The following TASOR variants were observed in gnomAD, a reference collection of about 807,000 sequenced individuals.
TASOR encodes the protein transcription activation suppressor.
Under a neutral mutation model 178.6 loss-of-function variants are expected in TASOR, and 53 were observed. That is an observed-to-expected ratio of 0.30 (90% CI 0.24 to 0.37). The LOEUF is 0.37. TASOR is among the 10% of genes least tolerant of loss of function. The pLI is 1.00. For synonymous variants in TASOR, 713 were observed against 696.2 expected (o/e 1.02, Z -0.38); for missense variants, 1,815 against 1,971.4 (o/e 0.92, Z 1.50).
rs1029761660 is a variant in TASOR, at chr3:56,683,023, G to C, written c.-17C>G. ...AGTCGCCATCGCGCCGGCCTAAGGAGCTCTGGGAAGCTTCTGCCCACAAGG... is the reference window on the plus strand; with the variant it reads ...AGTCGCCATCGCGCCGGCCTAAGGACCTCTGGGAAGCTTCTGCCCACAAGG... On this transcript the variant is annotated 5_prime_UTR_variant, in exon 1 of 24. Transcript: ENST00000683822. 6.6e-7 allele frequency: 1 copy of C among 1,510,658 alleles called. No individual in the cohort carries two copies. Among genetic ancestry groups the C allele is most frequent in the Non-Finnish European group, 8.9e-7 (1 of 1,127,732 alleles). The allele number at this position is 1,510,658 out of a possible 1,614,324, so 93.6% of individuals were successfully genotyped here. A position where few individuals can be genotyped will look rare whatever the true frequency, so the allele number is the denominator to read the frequency against.
Position 56,682,721 on chromosome 3 carries a change from C to T in TASOR, c.286G>A (p.Val96Ile). The T allele has an allele frequency of 1.3e-6, 2 of 1,502,902 alleles. No individual in the cohort carries two copies. Among genetic ancestry groups the T allele is most frequent in the South Asian group, 1.3e-5 (1 of 79,770 alleles). 93.1% of individuals were successfully genotyped at this position (1,502,902 alleles called of 1,614,324 possible). A position where few individuals can be genotyped will look rare whatever the true frequency, so the allele number is the denominator to read the frequency against. ...CTGGGGATCTGAAAACTCCTCCTAACAGGCCTTTCGGGCTCTTCGGGGCCT... is the reference window on the plus strand; with the variant it reads ...CTGGGGATCTGAAAACTCCTCCTAATAGGCCTTTCGGGCTCTTCGGGGCCT... The part of the protein sequence containing the change: ...PRGPEEPERP[V>I]RRSFQIPRKS... Residue 96 changes from valine (V) to isoleucine (I), a missense_variant, in exon 1 of 24, where the codon GTT becomes ATT. Physicochemically the swap from Val to Ile is conservative, Grantham distance 29. Around this residue, in one of 5 missense-constraint regions of TASOR, gnomAD observed 244 missense variants for 202.7 expected, o/e 1.20. Transcript: ENST00000683822.
At position 56,624,941 on chromosome 3, in the gene TASOR, T is replaced by C; in HGVS notation, c.4205A>G (p.Glu1402Gly). The C allele has an allele frequency of 6.2e-7, 1 of 1,614,206 alleles. No individual in the cohort carries two copies. Among genetic ancestry groups the C allele is most frequent in the Non-Finnish European group, 8.5e-7 (1 of 1,180,012 alleles). ...LNVYQKKHLVEILSYHNCDSQ... is the reference protein window; with the variant it reads ...LNVYQKKHLVGILSYHNCDSQ... Reference sequence around the variant, plus strand: ...ATCACAATTGTGGTATGACAAAATTTCAACCAGATGTTTCTTCTGATAGAC... The same window carrying C: ...ATCACAATTGTGGTATGACAAAATTCCAACCAGATGTTTCTTCTGATAGAC... The change falls in exon 22 of 24, where the codon GAA becomes GGA. Residue 1402 changes from glutamate (E) to glycine (G), a missense_variant. By Grantham distance (98) the Glu-to-Gly change is moderately conservative. This residue lies in a region of TASOR where 134 missense variants were observed against 195.2 expected (regional missense o/e 0.69). Coordinates refer to ENST00000683822, the MANE Select transcript of TASOR (RefSeq NM_001365635.2).
chr3:56,683,246 C>T lies in TASOR; in HGVS notation c.-240G>A, dbSNP rs1037725380. ...CCTCGGGCAGTTCTTCTGCCTTCCC[C>T]CGCCACTCAACGTGCGCGCGTCGGG... On this transcript the variant is annotated 5_prime_UTR_variant, in exon 1 of 24. Coordinates refer to ENST00000683822, the MANE Select transcript of TASOR (RefSeq NM_001365635.2). The T allele has an allele frequency of 3.5e-5, 15 of 432,576 alleles. No individual in the cohort carries two copies. The highest frequency in any genetic ancestry group is 2.3e-4 in the African/African-American group (11 of 48,542). The allele number at this position is 432,576 out of a possible 1,614,324, so 26.8% of individuals were successfully genotyped here.
Position 56,661,303 on chromosome 3 carries a change from C to T in TASOR, c.1161-286G>A, listed in dbSNP as rs536824636. 8.3e-4 allele frequency among the ~76,000 whole-genome samples: 126 copies of T among 152,212 alleles called. 1 individual carries two copies. Among genetic ancestry groups the T allele is most frequent in the South Asian group, 1.7e-3 (8 of 4,826 alleles). ...CTGGGACTACAGGCATGTGCCACCACGCTAGGGTAATTTTGGTTTTTTTGG... is the reference window on the plus strand; with the variant it reads ...CTGGGACTACAGGCATGTGCCACCATGCTAGGGTAATTTTGGTTTTTTTGG... On this transcript the variant is annotated intron_variant, in intron 9 of 23. Coordinates refer to ENST00000683822, the MANE Select transcript of TASOR (RefSeq NM_001365635.2).
chr3:56,668,337 A>G, intron 6 of TASOR, 60 bp downstream of exon 6: 1 of 1,484,306 alleles, frequency 6.7e-7, no homozygotes. Flanking sequence ...GAGACATTTT[A>G]AAGGATTTGG....
intron 11 of TASOR, among the ~76,000 whole-genome samples, chr3:56,658,130 T>C (rs1274247288): frequency 6.6e-6 from 1 of 152,224 alleles, no homozygotes; most frequent in Non-Finnish European, 1.5e-5. Context: ...ATAAAGTAGC[T>C]ATAGACGGAA....
At chr3:56,631,221 T>C (rs2076905341) in intron 18 of TASOR, among the ~76,000 whole-genome samples, 3 of 152,176 alleles carry the variant, frequency 2.0e-5, no homozygotes, top group African/African-American at 7.2e-5. Context: ...GTAATTTCTA[T>C]GTTCTTCAGG....
rs2076253613 is a variant in TASOR at position 56,620,356 on chromosome 3, ATAC to A, written c.*2678_*2680del. The A allele has an allele frequency of 6.5e-6, 1 of 153,078 alleles. No homozygotes were observed. The highest frequency in any genetic ancestry group is 1.9e-4 in the East Asian group (1 of 5,218). The allele number at this position is 153,078 out of a possible 1,614,324, so 9.5% of individuals were successfully genotyped here. A position where few individuals can be genotyped will look rare whatever the true frequency, so the allele number is the denominator to read the frequency against. Reference sequence around the variant, plus strand: ...AATTATACGCATAACCTTACTCACCATACTACTTTTTCTCCCAAACTATTGTGA... The same window carrying A: ...AATTATACGCATAACCTTACTCACCATACTTTTTCTCCCAAACTATTGTGA... On this transcript the variant is annotated 3_prime_UTR_variant, in exon 24 of 24. Coordinates refer to ENST00000683822, the MANE Select transcript of TASOR (RefSeq NM_001365635.2).
intron 20 of TASOR, 22 bp downstream of exon 20, chr3:56,627,560 G>A: frequency 6.2e-7 from 1 of 1,612,518 alleles, no homozygotes; most frequent in South Asian, 1.1e-5. Flanking sequence ...GGAGTTACGT[G>A]CTCAAAAGAA....
Position 56,620,560 on chromosome 3 carries a change from C to T in TASOR, c.*2477G>A, listed in dbSNP as rs555769579. On this transcript the variant is annotated 3_prime_UTR_variant, in exon 24 of 24. Coordinates refer to ENST00000683822, the MANE Select transcript of TASOR (RefSeq NM_001365635.2). Reference sequence around the variant, plus strand: ...TTTTCCATGTCGTCATGTACCAATACCCTCTGCATTTCAAAATGTTGACTC... The same window carrying T: ...TTTTCCATGTCGTCATGTACCAATATCCTCTGCATTTCAAAATGTTGACTC... The T allele has an allele frequency of 6.6e-6, 1 of 152,202 alleles. No individual in the cohort carries two copies. Among genetic ancestry groups the T allele is most frequent in the South Asian group, 2.1e-4 (1 of 4,826 alleles). 9.4% of individuals were successfully genotyped at this position (152,202 alleles called of 1,614,324 possible).
In TASOR at chr3:56,649,157, C is replaced by T. The variant is rs530244952; in HGVS notation, c.1369-100G>A. 62 of 772,666 alleles carry T rather than the reference C, an allele frequency of 8.0e-5. 1 individual carries two copies. The South Asian group carries it at 1.7e-3, about 21-fold the overall frequency. The allele number at this position is 772,666 out of a possible 1,614,324, so 47.9% of individuals were successfully genotyped here. On this transcript the variant is annotated intron_variant, in intron 11 of 23. Transcript: ENST00000683822. ...CTACTAATTGTAAAGAAAAAAAGTTCTTAATCATCTTTTAAGAAAAAATAT... is the reference window on the plus strand; with the variant it reads ...CTACTAATTGTAAAGAAAAAAAGTTTTTAATCATCTTTTAAGAAAAAATAT...
intron 1 of TASOR, among the ~76,000 whole-genome samples, 177 bp downstream of exon 1, chr3:56,682,499 C>G (rs972148129): frequency 1.3e-5 from 2 of 151,508 alleles, no homozygotes; most frequent in African/African-American, 4.9e-5. Context: ...GTGGTTCCAC[C>G]GCTTTCTCTC....
At chr3:56,634,112 G>T in intron 17 of TASOR, 146 bp from the exon 18 acceptor site, 1 of 689,698 alleles carries the variant, frequency 1.4e-6, no homozygotes, top group Non-Finnish European at 2.3e-6. Flanking sequence ...TAAAATTCTG[G>T]TATGAATTCT....
chr3:56,623,802 T>TC (rs2076740843), intron 23 of TASOR: 1 of 1,551,262 alleles, frequency 6.4e-7, no homozygotes, highest in East Asian at 2.4e-5. Context: ...TGTTGGGAAA[T>TC]CCCAACTCCC....
intron 18 of TASOR, among the ~76,000 whole-genome samples, chr3:56,630,348 TAA>T (rs1300839542): frequency 1.3e-5 from 2 of 152,254 alleles, no homozygotes; most frequent in East Asian, 3.8e-4. Context: ...TTTTTATTCA[TAA>T]AGTCTTTTAC....
chr3:56,644,993 G>A (rs2077206217), intron 14 of TASOR, among the ~76,000 whole-genome samples: 1 of 152,168 alleles, frequency 6.6e-6, no homozygotes, highest in Admixed American at 6.5e-5. Context: ...AGGAGAGCAG[G>A]CTGAGCATGG....
rs1361967758 is a variant in TASOR at position 56,641,615 on chromosome 3, A to C, written c.2353T>G (p.Ser785Ala). The C allele has an allele frequency of 1.2e-6, 2 of 1,614,194 alleles. No individual in the cohort carries two copies. The highest frequency in any genetic ancestry group is 2.2e-5 in the South Asian group (2 of 91,082). The part of the protein sequence containing the change: ...LSETLANARH[S>A]DASLTDTVNK... The stretch of plus-strand genomic sequence containing the variant: ...ACTGTGTCTGTCAGAGATGCATCAG[A>C]ATGGCGCGCATTTGCTAGTGTTTCT... The change falls in exon 15 of 24, where the codon TCT becomes GCT. Residue 785 changes from serine (S) to alanine (A), a missense_variant. Coordinates refer to ENST00000683822, the MANE Select transcript of TASOR (RefSeq NM_001365635.2).
At chr3:56,662,134 A>T (rs1194801624) in intron 9 of TASOR, among the ~76,000 whole-genome samples, 1 of 144,666 alleles carries the variant, frequency 6.9e-6, no homozygotes, top group African/African-American at 2.7e-5. Context: ...CCGTCTCAAA[A>T]AAAAAAAAAA....
At chr3:56,665,742 C>T (rs1301700853) in intron 7 of TASOR, among the ~76,000 whole-genome samples, 2 of 151,948 alleles carry the variant, frequency 1.3e-5, no homozygotes, top group East Asian at 2.0e-4. Flanking sequence ...GAGGTCGAGG[C>T]AGTAAGATCC....
Sources: gnomAD v4.1 joint callset for allele counts (sites outside exome capture counted in the v4.1 genomes callset) on GRCh38, gnomAD v4.1.1 for gene constraint, gnomAD v4.1.1 regional missense constraint, MANE v1.5 for transcripts, NCBI Gene and HGNC (gene_info 2026-07-23, HGNC 2026-07-21) for gene names.